Variants in TENM2 observed in about 807,000 individuals in gnomAD.
TENM2 encodes the protein teneurin-2.
Under a neutral mutation model 245.2 loss-of-function variants are expected in TENM2, and 52 were observed. That is an observed-to-expected ratio of 0.21 (90% CI 0.17 to 0.27). The LOEUF (loss-of-function observed/expected upper bound fraction) is 0.27. Among genes scored for constraint, TENM2 ranks in the 10% least tolerant of loss-of-function variants. The pLI is 1.00. For synonymous variants in TENM2, 1,363 were observed against 1,438.9 expected, an observed-to-expected ratio of 0.95 and a Z score of 1.19; for missense variants, 3,046 against 3,666.8, an observed-to-expected ratio of 0.83 and a Z score of 4.37.
chr5:167,637,974 TAA>T (rs75360328), intron 2 of TENM2, among the ~76,000 whole-genome samples: 3 of 142,856 alleles, frequency 2.1e-5, no homozygotes, highest in African/African-American at 5.1e-5. Flanking sequence ...GAACTTAAAG[TAA>T]AAAAAAAAAA....
At chr5:167,539,722 A>T (rs538102089) in intron 2 of TENM2, among the ~76,000 whole-genome samples, 1 of 152,218 alleles carries the variant, frequency 6.6e-6, no homozygotes, top group South Asian at 2.1e-4. Flanking sequence ...GCTTTCTTCC[A>T]TATGCAAAAT....
chr5:167,639,094 C>T (rs1779395498), intron 2 of TENM2, among the ~76,000 whole-genome samples: 1 of 152,166 alleles, frequency 6.6e-6, no homozygotes, highest in African/African-American at 2.4e-5. Flanking sequence ...CCCTTCACTG[C>T]AATAATTAAG....
chr5:167,807,463 C>T (rs1407565658), intron 2 of TENM2, among the ~76,000 whole-genome samples: 1 of 151,994 alleles, frequency 6.6e-6, no homozygotes, highest in Non-Finnish European at 1.5e-5. Flanking sequence ...CAAGATATTT[C>T]AGGAGTAAAT....
At chr5:168,039,799 T>G (rs1788024103) in intron 5 of TENM2, among the ~76,000 whole-genome samples, 1 of 151,454 alleles carries the variant, frequency 6.6e-6, no homozygotes, top group South Asian at 2.1e-4. Flanking sequence ...AGCTAGGGGG[T>G]GTGGTTAGAG....
chr5:168,207,379 T>C (rs1010238094), intron 19 of TENM2, among the ~76,000 whole-genome samples: 2 of 152,164 alleles, frequency 1.3e-5, no homozygotes, highest in African/African-American at 4.8e-5. Flanking sequence ...AAGGGCCCAA[T>C]CAGAACAAGT....
the TENM2 span, among the ~76,000 whole-genome samples, chr5:167,212,311 C>G: frequency 5.3e-5 from 8 of 152,122 alleles, no homozygotes; most frequent in African/African-American, 1.9e-4. Context: ...CAGCAGCAGC[C>G]GGACCTTTCT....
chr5:167,435,558 A>T (rs1764498464), intron 2 of TENM2, among the ~76,000 whole-genome samples: 1 of 152,180 alleles, frequency 6.6e-6, no homozygotes, highest in African/African-American at 2.4e-5. Context: ...GTATGTTTTT[A>T]TCAGCAGCAT....
At chr5:167,347,652 C>T (rs895670635) in intron 1 of TENM2, among the ~76,000 whole-genome samples, 1 of 151,360 alleles carries the variant, frequency 6.6e-6, no homozygotes, top group African/African-American at 2.4e-5. Flanking sequence ...TTCTTCCTTC[C>T]ATCCTTCCTT....
chr5:167,542,096 G>T (rs973131277), intron 2 of TENM2, among the ~76,000 whole-genome samples: 1 of 152,136 alleles, frequency 6.6e-6, no homozygotes, highest in Non-Finnish European at 1.5e-5. Context: ...CATGGGGAAT[G>T]ACCTTGAATC....
the TENM2 span, among the ~76,000 whole-genome samples, chr5:167,010,641 C>T: frequency 2.6e-5 from 4 of 152,306 alleles, no homozygotes; most frequent in African/African-American, 7.2e-5. Flanking sequence ...AAGTCTATTT[C>T]ATTAGAACTA....
intron 2 of TENM2, among the ~76,000 whole-genome samples, chr5:167,869,276 G>C (rs59064124): frequency 0.012 from 1,779 of 152,296 alleles, 107 homozygotes; most frequent in Admixed American, 0.088. Flanking sequence ...ATTTGGAGCA[G>C]GGTAGAAAAT....
intron 8 of TENM2, among the ~76,000 whole-genome samples, chr5:168,095,395 T>A (rs1793282144): frequency 6.6e-6 from 1 of 152,170 alleles, no homozygotes; most frequent in Admixed American, 6.5e-5. Flanking sequence ...AAGCTATTCC[T>A]CTGACCTGGA....
rs192944928 is a variant in TENM2, at chr5:168,145,645, A to T, written c.2423-16966A>T. ...CTCCAGCTTTGTTCTTTTGCTTAGG[A>T]TTGACTTGGTGATGCGAGCTCTTTT... On this transcript the variant is annotated intron_variant, in intron 12 of 28. Transcript: ENST00000518659. Among the ~76,000 whole-genome samples, 195 of 152,180 alleles carry T rather than the reference A, an allele frequency of 1.3e-3. 1 individual carries two copies. Among genetic ancestry groups the T allele is most frequent in the African/African-American group, 4.4e-3 (182 of 41,492 alleles).
intron 2 of TENM2, among the ~76,000 whole-genome samples, chr5:167,639,031 T>A (rs1302520711): frequency 6.6e-6 from 1 of 152,248 alleles, no homozygotes; most frequent in Non-Finnish European, 1.5e-5. Context: ...GATACAAGCA[T>A]ATCAATCCAT....
At chr5:167,352,444 C>T (rs778866764) in intron 1 of TENM2, among the ~76,000 whole-genome samples, 29 of 152,142 alleles carry the variant, frequency 1.9e-4, no homozygotes, top group African/African-American at 2.7e-4. Context: ...TAAATTGAGT[C>T]TTTGATTATT....
At chr5:168,203,590 A>T in intron 17 of TENM2, 99 bp from the exon 20 acceptor site, 1 of 1,255,816 alleles carries the variant, frequency 8.0e-7, no homozygotes, top group Non-Finnish European at 1.1e-6. Flanking sequence ...AATCTGTATT[A>T]CTGCGAACAC....
At chr5:167,391,667 A>G (rs1196469732) in intron 2 of TENM2, among the ~76,000 whole-genome samples, 1 of 151,514 alleles carries the variant, frequency 6.6e-6, no homozygotes, top group African/African-American at 2.4e-5. Context: ...AGGATTTCTA[A>G]CTTTAGCCAC....
chr5:167,896,923 A>G (rs973888561), intron 3 of TENM2, among the ~76,000 whole-genome samples: 4 of 152,236 alleles, frequency 2.6e-5, no homozygotes, highest in Non-Finnish European at 5.9e-5. Flanking sequence ...GAAAATAGCT[A>G]GCATGTGCGT....
chr5:167,876,233 C>T (rs1461627763), intron 3 of TENM2, 38 bp downstream of exon 5: 7 of 1,475,200 alleles, frequency 4.7e-6, no homozygotes, highest in East Asian at 4.9e-5. Flanking sequence ...TGTGGTGTTT[C>T]GTGAGTGACA....
Sources: allele counts gnomAD v4.1 joint callset (sites outside exome capture counted in the v4.1 genomes callset), GRCh38; gene constraint gnomAD v4.1.1; transcripts MANE v1.5; gene names NCBI Gene and HGNC (gene_info 2026-07-23, HGNC 2026-07-21).